The following GPN2 variants were observed in gnomAD, a reference collection of about 807,000 sequenced individuals.
GPN2 encodes ATP-binding domain 1 family member B.
GPN2 carries 27 observed loss-of-function variants against 30.1 expected under a neutral mutation model. The observed-to-expected ratio is 0.90, with a 90% confidence interval of 0.66 to 1.24. GPN2 has a LOEUF of 1.24. Ranked by LOEUF, GPN2 falls within the 50% of genes most tolerant of loss-of-function variation. The pLI is 0.00. For synonymous variants in GPN2, 212 were observed against 174.4 expected, an observed-to-expected ratio of 1.22 and a Z score of -1.70; for missense variants, 406 against 405.4, an observed-to-expected ratio of 1.00 and a Z score of -0.01.
chr1:26,889,047 C>T lies in GPN2; in HGVS notation c.490G>A (p.Ala164Thr), dbSNP rs780670148. ...GGCAGTTCCACGTGCAGCATGGTGG[C>T]CAGGGAGGTACACAGTACTGAAATG... is the stretch of plus-strand genomic sequence containing the variant. ...KFISVLCTSLATMLHVELPHI... is the reference protein window; with the variant it reads ...KFISVLCTSLTTMLHVELPHI... The change falls in exon 2 of 5, where the codon GCC (alanine) becomes ACC (threonine). Residue 164 changes from alanine (A) to threonine (T), a missense_variant. Ala to Thr is a moderately conservative substitution (Grantham distance 58, BLOSUM62 0). Transcript: ENST00000374135. 2.4e-5 allele frequency: 39 copies of T among 1,613,756 alleles called. No individual in the cohort carries two copies. Among genetic ancestry groups the T allele is most frequent in the Admixed American group, 6.7e-5 (4 of 59,992 alleles).
rs1198098823 is a variant in GPN2, at chr1:26,877,151, A to G, written c.*2526T>C. On this transcript the variant is annotated 3_prime_UTR_variant, in exon 5 of 5. Transcript: ENST00000374135. ...AGTTTTCCTGGCTTGCTCTATTGGT[A>G]CTTCCTACCTACTCTGTGGGGTGTT... 6.6e-6 allele frequency: 1 copy of G among 152,106 alleles called. No homozygotes were observed. Among genetic ancestry groups the G allele is most frequent in the Non-Finnish European group, 1.5e-5 (1 of 68,050 alleles). 9.4% of individuals were successfully genotyped at this position (152,106 alleles called of 1,614,324 possible). A position where few individuals can be genotyped will look rare whatever the true frequency, so the allele number is the denominator to read the frequency against.
At chr1:26,884,393 A>G in intron 3 of GPN2, 103 bp from the exon 4 acceptor site, 6 of 1,220,872 alleles carry the variant, frequency 4.9e-6, no homozygotes, top group Non-Finnish European at 6.7e-6. Flanking sequence ...CTGTACCTGT[A>G]GCTTTCTTGG....
chr1:26,881,085 A>C (rs2081862065), intron 4 of GPN2, among the ~76,000 whole-genome samples: 1 of 152,162 alleles, frequency 6.6e-6, no homozygotes, highest in Admixed American at 6.5e-5. Flanking sequence ...AAATTCCTCA[A>C]ATTATTTGTT....
At chr1:26,882,008 G>A (rs2081866701) in intron 4 of GPN2, among the ~76,000 whole-genome samples, 2 of 152,174 alleles carry the variant, frequency 1.3e-5, no homozygotes, top group African/African-American at 4.8e-5. Context: ...CTGAGTTCAG[G>A]AGTTCGAAAC....
Position 26,889,091 on chromosome 1 carries a change from C to A in GPN2, c.446G>T (p.Cys149Phe). Reference protein sequence around the residue: ...TAVHLVDSHYCTDPAKFISVL... With the variant: ...TAVHLVDSHYFTDPAKFISVL... ...TGAAATGAACTTGGCAGGGTCTGTG[C>A]AGTAGTGAGAATCCACGAGGTGGAC... is the stretch of plus-strand genomic sequence containing the variant. The change falls in exon 2 of 5, where the codon TGC becomes TTC. Residue 149 changes from cysteine to phenylalanine, a missense_variant. Physicochemically the swap from Cys to Phe is radical, Grantham distance 205. Transcript: ENST00000374135. The A allele has an allele frequency of 6.2e-7, 1 of 1,613,840 alleles. No homozygotes were observed.
chr1:26,887,908 G>A (rs2081899657), intron 2 of GPN2, among the ~76,000 whole-genome samples: 1 of 150,278 alleles, frequency 6.7e-6, no homozygotes, highest in Non-Finnish European at 1.5e-5. Flanking sequence ...GCCCAGGCTG[G>A]AGTGCAATGG....
intron 2 of GPN2, among the ~76,000 whole-genome samples, chr1:26,888,475 C>G (rs559215609): frequency 6.6e-6 from 1 of 152,140 alleles, no homozygotes; most frequent in Non-Finnish European, 1.5e-5. Context: ...TTTGTGATGG[C>G]AGCACAAACT....
chr1:26,886,044 G>A lies in GPN2; in HGVS notation c.658C>T (p.Gln220Ter). The A allele has an allele frequency of 3.1e-6, 5 of 1,613,138 alleles. No individual in the cohort carries two copies. The South Asian group carries it at 5.5e-5, about 18-fold the overall frequency. ...AGCTGCACTAGCTTCTCATTGAGCT[G>A]GCGGTAGTGGCGGAAGAAAGGGTCA... is the stretch of plus-strand genomic sequence containing the variant. ...ASDPFFRHYR[Q>*]LNEKLVQLIE... is the part of the protein sequence containing the mutation. Residue 220 changes from glutamine to a stop codon, truncating the protein, a stop_gained, in exon 3 of 5, where the codon CAG (glutamine) becomes TAG (stop). Coordinates refer to ENST00000374135, the MANE Select transcript of GPN2 (RefSeq NM_018066.4). LOFTEE classifies it high-confidence loss of function.
At position 26,888,741 on chromosome 1, in the gene GPN2, T is replaced by C. The variant is rs537068459; in HGVS notation, c.568+228A>G. ...CCCAAATATTCACTGTCGTATCACTTTAATTCCTTTGTAACACCTAACACC... is the reference window on the plus strand; with the variant it reads ...CCCAAATATTCACTGTCGTATCACTCTAATTCCTTTGTAACACCTAACACC... On this transcript the variant is annotated intron_variant, in intron 2 of 4. Coordinates refer to ENST00000374135, the MANE Select transcript of GPN2 (RefSeq NM_018066.4). Among the ~76,000 whole-genome samples the C allele has an allele frequency of 3.9e-5, 6 of 152,376 alleles. No homozygotes were observed. The South Asian group carries it at 1.2e-3, about 32-fold the overall frequency.
Position 26,876,597 on chromosome 1 carries a change from T to C in GPN2, c.*3080A>G, listed in dbSNP as rs1240652028. 1 of 152,200 alleles carries C rather than the reference T, an allele frequency of 6.6e-6. No individual in the cohort carries two copies. The highest frequency in any genetic ancestry group is 1.5e-5 in the Non-Finnish European group (1 of 68,038). The allele number at this position is 152,200 out of a possible 1,614,324, so 9.4% of individuals were successfully genotyped here. On this transcript the variant is annotated 3_prime_UTR_variant, in exon 5 of 5. Transcript: ENST00000374135. ...AATAATCTTAAGGATGACTGCCACATGCCAGCCATAATGGAGGATGGTCTT... is the reference window on the plus strand; with the variant it reads ...AATAATCTTAAGGATGACTGCCACACGCCAGCCATAATGGAGGATGGTCTT...
intron 3 of GPN2, among the ~76,000 whole-genome samples, chr1:26,884,819 T>C (rs539318462): frequency 6.6e-6 from 1 of 152,118 alleles, no homozygotes; most frequent in African/African-American, 2.4e-5. Context: ...CTGTCTCTAC[T>C]GAAAATACAA....
intron 4 of GPN2, 23 bp from the exon 5 acceptor site, chr1:26,879,772 TGA>T: frequency 6.3e-7 from 1 of 1,582,454 alleles, no homozygotes. Context: ...GCGTCAAGGC[TGA>T]TAGCATAGGC....
chr1:26,880,387 A>G (rs920439085), intron 4 of GPN2, among the ~76,000 whole-genome samples: 9 of 152,082 alleles, frequency 5.9e-5, no homozygotes, highest in African/African-American at 2.2e-4. Context: ...ATCTCGGCTC[A>G]CCGCAACCTC....
chr1:26,878,973 A>T lies in GPN2; in HGVS notation c.*704T>A, dbSNP rs1047276946. On this transcript the variant is annotated 3_prime_UTR_variant, in exon 5 of 5. Coordinates refer to ENST00000374135, the MANE Select transcript of GPN2 (RefSeq NM_018066.4). ...CAACAATAGAATAAAACCATAAAAC[A>T]AATACAGTGAATATAAAACATTAAC... 6.6e-6 allele frequency: 1 copy of T among 152,276 alleles called. No homozygotes were observed. The highest frequency in any genetic ancestry group is 2.4e-5 in the African/African-American group (1 of 41,468). The allele number at this position is 152,276 out of a possible 1,614,324, so 9.4% of individuals were successfully genotyped here.
rs763808686 is a variant in GPN2 at position 26,889,844 on chromosome 1, T to C, written c.253A>G (p.Met85Val). The change falls in exon 1 of 5, where the codon ATG becomes GTG. Residue 85 changes from methionine to valine, a missense_variant. Physicochemically the swap from Met to Val is conservative, Grantham distance 21 (BLOSUM62 1). Coordinates refer to ENST00000374135, the MANE Select transcript of GPN2 (RefSeq NM_018066.4). Reference sequence around the variant, plus strand: ...TCCAGGTTGGCTTCCAGGTACTCCATGCAGTAGAGCAGGCCGCCGTTGGGC... The same window carrying C: ...TCCAGGTTGGCTTCCAGGTACTCCACGCAGTAGAGCAGGCCGCCGTTGGGC... ...LGPNGGLLYC[M>V]EYLEANLDWL... 1.2e-6 allele frequency: 2 copies of C among 1,613,600 alleles called. No homozygotes were observed. Among genetic ancestry groups the C allele is most frequent in the East Asian group, 2.2e-5 (1 of 44,880 alleles).
chr1:26,889,827 G>A lies in GPN2; in HGVS notation c.270C>T (p.Ala90=), dbSNP rs1288898745. 1 of 1,613,674 alleles carries A rather than the reference G, an allele frequency of 6.2e-7. No individual in the cohort carries two copies. Among genetic ancestry groups the A allele is most frequent in the East Asian group, 2.2e-5 (1 of 44,898 alleles). ...GCTTGGCACGCAGCCAGTCCAGGTTGGCTTCCAGGTACTCCATGCAGTAGA... is the reference window on the plus strand; with the variant it reads ...GCTTGGCACGCAGCCAGTCCAGGTTAGCTTCCAGGTACTCCATGCAGTAGA... ...GLLYCMEYLE[A]NLDWLRAKLD... The change falls in exon 1 of 5, where the codon GCC becomes GCT. Residue 90 remains alanine (A), a synonymous_variant. Coordinates refer to ENST00000374135, the MANE Select transcript of GPN2 (RefSeq NM_018066.4).
chr1:26,888,483 A>G (rs2081902792), intron 2 of GPN2, among the ~76,000 whole-genome samples: 1 of 152,194 alleles, frequency 6.6e-6, no homozygotes, highest in Non-Finnish European at 1.5e-5. Context: ...GGCAGCACAA[A>G]CTGACTAAGA....
Position 26,877,036 on chromosome 1 carries a change from G to C in GPN2, c.*2641C>G, listed in dbSNP as rs1389160944. On this transcript the variant is annotated 3_prime_UTR_variant, in exon 5 of 5. Coordinates refer to ENST00000374135, the MANE Select transcript of GPN2 (RefSeq NM_018066.4). ...CACCCACCCTAATGCCCTGATAAAG[G>C]ATTTGTCCAGTAGCCTGGGCGTCAG... The C allele has an allele frequency of 2.6e-5, 4 of 152,194 alleles. No individual in the cohort carries two copies. The highest frequency in any genetic ancestry group is 9.7e-5 in the African/African-American group (4 of 41,436). The allele number at this position is 152,194 out of a possible 1,614,324, so 9.4% of individuals were successfully genotyped here.
At chr1:26,884,436 G>A (rs1407314883) in intron 3 of GPN2, 146 bp from the exon 4 acceptor site, 1 of 719,336 alleles carries the variant, frequency 1.4e-6, no homozygotes, top group Non-Finnish European at 2.2e-6. Context: ...CCAAAGGCTG[G>A]ATAAATCTCA....
Sources: allele counts gnomAD v4.1 joint callset (sites outside exome capture counted in the v4.1 genomes callset), GRCh38; gene constraint gnomAD v4.1.1; transcripts MANE v1.5; gene names NCBI Gene and HGNC (gene_info 2026-07-23, HGNC 2026-07-21).